Variants in CELF1 observed in about 807,000 individuals in gnomAD.
CELF1 encodes the protein 50 kDa nuclear polyadenylated RNA-binding protein.
CELF1 carries 10 observed loss-of-function variants against 61.8 expected under a neutral mutation model. The ratio of observed to expected loss-of-function variants is 0.16; its 90% CI spans 0.10 to 0.27. The LOEUF (loss-of-function observed/expected upper bound fraction) is 0.27, where lower values mean the gene tolerates loss of function less well. Ranked by LOEUF, CELF1 falls within the 10% of genes least tolerant of loss-of-function variation. CELF1 has a pLI of 1.00. For missense variants in CELF1, 380 were observed against 639.1 expected, an observed-to-expected ratio of 0.59 and a Z score of 4.37; for synonymous variants, 236 against 225.1, an observed-to-expected ratio of 1.05 and a Z score of -0.43.
In CELF1 at chr11:47,469,779, G is replaced by C. The variant is rs112953599; in HGVS notation, c.*2451C>G. On this transcript the variant is annotated 3_prime_UTR_variant, in exon 15 of 15. Transcript: ENST00000687097. ...GCAGGTATGAAGCCCTCAGGGTCTGGTATCAAAGGTGGGTGGATTGCACCT... is the reference window on the plus strand; with the variant it reads ...GCAGGTATGAAGCCCTCAGGGTCTGCTATCAAAGGTGGGTGGATTGCACCT... 2.5e-4 allele frequency: 38 copies of C among 152,384 alleles called. No individual in the cohort carries two copies. Among genetic ancestry groups the C allele is most frequent in the African/African-American group, 8.4e-4 (35 of 41,572 alleles). The allele number at this position is 152,384 out of a possible 1,614,324, so 9.4% of individuals were successfully genotyped here.
At chr11:47,510,116 G>A (rs1185657347) in intron 1 of CELF1, among the ~76,000 whole-genome samples, 1 of 151,900 alleles carries the variant, frequency 6.6e-6, no homozygotes, top group Non-Finnish European at 1.5e-5. Context: ...CAAGATGAAG[G>A]GCAAGCTAGC....
At chr11:47,502,998 G>T (rs1005200530) in intron 1 of CELF1, among the ~76,000 whole-genome samples, 1 of 152,078 alleles carries the variant, frequency 6.6e-6, no homozygotes, top group African/African-American at 2.4e-5. Flanking sequence ...TACTTTCATG[G>T]TTTCCTCTTC....
intron 1 of CELF1, among the ~76,000 whole-genome samples, chr11:47,548,476 T>G (rs2097042228): frequency 1.3e-5 from 2 of 152,114 alleles, no homozygotes; most frequent in South Asian, 4.1e-4. Context: ...ACATGAAATA[T>G]TTTGTGTATC....
intron 3 of CELF1, among the ~76,000 whole-genome samples, chr11:47,494,995 T>C (rs1425563067): frequency 2.0e-5 from 3 of 152,206 alleles, no homozygotes; most frequent in Non-Finnish European, 4.4e-5. Flanking sequence ...CAAGGGATCC[T>C]TCCATCTCAG....
chr11:47,517,726 C>T (rs2095635977), intron 1 of CELF1, among the ~76,000 whole-genome samples: 1 of 151,748 alleles, frequency 6.6e-6, no homozygotes, highest in African/African-American at 2.4e-5. Context: ...AATATTGGCT[C>T]ACTGCAACCT....
chr11:47,551,853 A>G (rs576836400), intron 1 of CELF1, among the ~76,000 whole-genome samples: 1 of 152,236 alleles, frequency 6.6e-6, no homozygotes, highest in African/African-American at 2.4e-5. Flanking sequence ...CCCCGTCTAT[A>G]CTAAAAATAC....
rs2096414976 is a variant in CELF1 at position 47,530,131 on chromosome 11, T to C, written c.-154+22861A>G. ...TAAAGTGCATATTTAGAGGCTTAAC[T>C]AGTAAACTCAAAATGTGACATATGT... On this transcript the variant is annotated intron_variant, in intron 1 of 14. Transcript: ENST00000687097. Among the ~76,000 whole-genome samples the C allele has an allele frequency of 2.0e-5, 3 of 152,218 alleles. No homozygotes were observed. In the South Asian group the frequency reaches 6.2e-4, roughly 32 times the overall value.
At chr11:47,545,894 T>G (rs2096928667) in intron 1 of CELF1, among the ~76,000 whole-genome samples, 1 of 130,482 alleles carries the variant, frequency 7.7e-6, no homozygotes. Flanking sequence ...TGTGTGTGTG[T>G]GTGTGTGTGT....
chr11:47,530,879 CA>C lies in CELF1; in HGVS notation c.-154+22112del, dbSNP rs1261078924. On this transcript the variant is annotated intron_variant, in intron 1 of 14. Transcript: ENST00000687097. ...TTGAGGCGGGAGGATTGCTTGAGCC[CA>C]CGAGGTCAAGGCTACAGTGAGCCAC... Among the ~76,000 whole-genome samples the C allele has an allele frequency of 2.0e-5, 3 of 152,040 alleles. No individual in the cohort carries two copies. In the East Asian group the frequency reaches 5.8e-4, roughly 29 times the overall value.
chr11:47,523,842 G>C (rs1015524963), intron 1 of CELF1: 3 of 152,150 alleles, frequency 2.0e-5, no homozygotes, highest in Non-Finnish European at 1.5e-5. Flanking sequence ...CACTGACCAG[G>C]AGTAAGAATT....
intron 1 of CELF1, among the ~76,000 whole-genome samples, chr11:47,538,657 A>AT (rs1465165978): frequency 6.3e-4 from 93 of 148,696 alleles, no homozygotes; most frequent in African/African-American, 2.1e-3. Context: ...AAAAAAAAAA[A>AT]AAAAATCTCC....
At chr11:47,548,940 A>G (rs1413835272) in intron 1 of CELF1, among the ~76,000 whole-genome samples, 4 of 151,976 alleles carry the variant, frequency 2.6e-5, no homozygotes, top group Non-Finnish European at 4.4e-5. Context: ...AAAAAACTTG[A>G]TTAAAAACTG....
chr11:47,540,259 A>G (rs761439667), intron 1 of CELF1, among the ~76,000 whole-genome samples: 5 of 152,220 alleles, frequency 3.3e-5, no homozygotes, highest in Non-Finnish European at 7.3e-5. Context: ...GCTGTGCACT[A>G]AATGACAAAT....
In CELF1 at chr11:47,546,699, T is replaced by C. The variant is rs146630926; in HGVS notation, c.-154+6293A>G. On this transcript the variant is annotated intron_variant, in intron 1 of 14. Coordinates refer to ENST00000687097, the MANE Select transcript of CELF1 (RefSeq NM_001376376.1). Reference sequence around the variant, plus strand: ...ACCTAAGAAAGCCATTCATATATTATAGGTATAAAGCAAAGGCAGGAACTT... The same window carrying C: ...ACCTAAGAAAGCCATTCATATATTACAGGTATAAAGCAAAGGCAGGAACTT... 7.2e-3 allele frequency among the ~76,000 whole-genome samples: 1,098 copies of C among 152,278 alleles called. 12 individuals carry two copies. The highest frequency in any genetic ancestry group is 0.025 in the African/African-American group (1,024 of 41,562).
At chr11:47,539,449 C>G (rs553530194) in intron 1 of CELF1, among the ~76,000 whole-genome samples, 1 of 152,150 alleles carries the variant, frequency 6.6e-6, no homozygotes, top group Non-Finnish European at 1.5e-5. Context: ...GTCGGGAGTT[C>G]GAGACCAGTC....
intron 3 of CELF1, among the ~76,000 whole-genome samples, chr11:47,493,507 CAAAAAGAAA>C (rs1281911302): frequency 1.2e-5 from 1 of 80,292 alleles, no homozygotes. Flanking sequence ...GACTCCATCT[CAAAAAGAAA>C]AAAAAAAAAA....
intron 1 of CELF1, among the ~76,000 whole-genome samples, chr11:47,551,053 A>C (rs1044137479): frequency 2.1e-5 from 3 of 142,812 alleles, no homozygotes; most frequent in African/African-American, 5.2e-5. Context: ...AAAAAAAAAA[A>C]CATAACCTTG....
At chr11:47,472,847 G>GT (rs1341576535) in intron 14 of CELF1, among the ~76,000 whole-genome samples, 1 of 152,088 alleles carries the variant, frequency 6.6e-6, no homozygotes, top group Non-Finnish European at 1.5e-5. Flanking sequence ...CTGTTTAAAG[G>GT]TTTTTTTGCA....
At chr11:47,510,496 G>GT (rs1159814719) in intron 1 of CELF1, among the ~76,000 whole-genome samples, 1 of 152,124 alleles carries the variant, frequency 6.6e-6, no homozygotes, top group East Asian at 1.9e-4. Context: ...AAGACTCACT[G>GT]TTTTTTGTTT....
Sources: allele counts gnomAD v4.1 joint callset (sites outside exome capture counted in the v4.1 genomes callset), GRCh38; gene constraint gnomAD v4.1.1; transcripts MANE v1.5; gene names NCBI Gene and HGNC (gene_info 2026-07-23, HGNC 2026-07-21).